The following TTN variants were observed in gnomAD, a reference collection of about 807,000 sequenced individuals.
The protein encoded by TTN is connectin.
A neutral mutation model predicts 3,223.0 loss-of-function variants in TTN; 1,525 were observed. That is an observed-to-expected ratio of 0.47 (90% confidence interval 0.45 to 0.49). The LOEUF is 0.49. Among genes scored for constraint, TTN ranks in the 20% least tolerant of loss-of-function variants. TTN has a pLI of 0.00. For synonymous variants in TTN, 14,094 were observed against 15,161.0 expected, an observed-to-expected ratio of 0.93 and a Z score of 5.17; for missense variants, 40,786 against 43,424.0, an observed-to-expected ratio of 0.94 and a Z score of 5.40.
chr2:178,719,022 A>G, intron 83 of TTN, 49 bp from the exon 84 acceptor site: 1 of 1,527,466 alleles, frequency 6.5e-7, no homozygotes, highest in South Asian at 1.3e-5. Context: ...AAGAAATCCA[A>G]GTGAGAAGTG....
Position 178,576,839 on chromosome 2 carries a change from G to T in TTN, c.69413-8C>A, listed in dbSNP as rs2046544806. 2.5e-6 allele frequency: 4 copies of T among 1,602,140 alleles called. No individual in the cohort carries two copies. The East Asian group carries it at 8.9e-5, about 36-fold the overall frequency. ...CAGGAGGGCCAGGGGGACCTGAAAA[G>T]GAAGCAAATTTATTAGAAATCCATG... On this transcript the variant is annotated splice_polypyrimidine_tract_variant and splice_region_variant and intron_variant, in intron 324 of 362. Coordinates refer to ENST00000589042, the MANE Select transcript of TTN (RefSeq NM_001267550.2). The surrounding 1 kb of genome is among the most constrained non-coding windows in gnomAD (Gnocchi z 4.3).
chr2:178,602,224 T>A (rs919203201), intron 283 of TTN, 58 bp downstream of exon 283: 7 of 1,595,224 alleles, frequency 4.4e-6, no homozygotes, highest in African/African-American at 1.4e-5. Context: ...TTCAGTAAAT[T>A]AATCAATTTC....
Position 178,614,582 on chromosome 2 carries a change from G to A in TTN, c.48932C>T (p.Pro16311Leu). The A allele has an allele frequency of 6.2e-7, 1 of 1,612,350 alleles. No homozygotes were observed. Among genetic ancestry groups the A allele is most frequent in the Non-Finnish European group, 8.5e-7 (1 of 1,179,138 alleles). ...AACAATAGTCACTGTGGATTTCTTA[G>A]GGACATTTTCAATGGTAATTCTTTT... Reference protein sequence around the residue: ...QDKRITIENVPKKSTVTIVDS... With the variant: ...QDKRITIENVLKKSTVTIVDS... The change falls in exon 261 of 363, where the codon CCT (proline) becomes CTT (leucine). Residue 16311 changes from proline (P) to leucine (L), a missense_variant. Physicochemically the swap from Pro to Leu is moderately conservative, Grantham distance 98. Transcript: ENST00000589042.
rs1398162885 is a variant in TTN at position 178,583,720 on chromosome 2, G to A, written c.65462C>T (p.Ala21821Val). The A allele has an allele frequency of 3.7e-6, 6 of 1,612,270 alleles. No homozygotes were observed. The highest frequency in any genetic ancestry group is 5.1e-6 in the Non-Finnish European group (6 of 1,179,204). Reference protein sequence around the residue: ...PHQIPQEEYTATGLEEKAQYQ... With the variant: ...PHQIPQEEYTVTGLEEKAQYQ... ...CTGAGCTTTCTCTTCTAGGCCAGTA[G>A]CTGTGTACTCTTCCTGGGGAATCTG... Residue 21821 changes from alanine to valine, a missense_variant, in exon 312 of 363, where the codon GCT becomes GTT. Physicochemically the swap from Ala to Val is moderately conservative, Grantham distance 64 (BLOSUM62 0). Transcript: ENST00000589042.
chr2:178,648,991 G>T (rs1379537103), intron 213 of TTN, among the ~76,000 whole-genome samples: 1 of 152,098 alleles, frequency 6.6e-6, no homozygotes, highest in Non-Finnish European at 1.5e-5. Context: ...ATGTTGAATT[G>T]AGCTGTTTTA....
intron 40 of TTN, 53 bp downstream of exon 40, chr2:178,767,706 A>T: frequency 1.9e-6 from 3 of 1,600,572 alleles, no homozygotes; most frequent in Non-Finnish European, 2.6e-6. Context: ...ATATAAAATG[A>T]TAGATTATGG....
At chr2:178,734,293 T>C (rs1192842974) in intron 52 of TTN, 35 bp downstream of exon 52, 1 of 1,516,086 alleles carries the variant, frequency 6.6e-7, no homozygotes, top group Admixed American at 2.2e-5. Flanking sequence ...AGTTTGACAA[T>C]TTATTAAAGA....
Position 178,583,772 on chromosome 2 carries a change from A to G in TTN, c.65410T>C (p.Trp21804Arg), listed in dbSNP as rs745626132. ...TGAGGTGCAGTATTGCACCGTACCC[A>G]TTTATCACCAGGAAGTTTGCAAGCT... Reference protein sequence around the residue: ...VEACKLPGDKWVRCNTAPHQI... With the variant: ...VEACKLPGDKRVRCNTAPHQI... The change falls in exon 312 of 363, where the codon TGG becomes CGG. Residue 21804 changes from tryptophan (W) to arginine (R), a missense_variant. Transcript: ENST00000589042. 22 of 1,611,246 alleles carry G rather than the reference A, an allele frequency of 1.4e-5. No homozygotes were observed. The East Asian group carries it at 4.9e-4, about 36-fold the overall frequency.
rs1438452689 is a variant in TTN at position 178,636,628 on chromosome 2, A to G, written c.41099T>C (p.Val13700Ala). The part of the protein sequence containing the change: ...KDIILTESEF[V>A]GSSAIFECLV... ...ACATTCAAAGATTGCTGAAGAGCCA[A>G]CGAACTCTGATTCTGTCAAGATGAT... The change falls in exon 225 of 363, where the codon GTT (valine) becomes GCT (alanine). Residue 13700 changes from valine (V) to alanine (A), a missense_variant. By Grantham distance (64) the Val-to-Ala change is moderately conservative. Coordinates refer to ENST00000589042, the MANE Select transcript of TTN (RefSeq NM_001267550.2). This position sits in a 1 kb window ranked among gnomAD's most constrained non-coding sequence, Gnocchi z 4.3. 12 of 1,613,296 alleles carry G rather than the reference A, an allele frequency of 7.4e-6. No individual in the cohort carries two copies. In the Admixed American group the frequency reaches 1.0e-4, roughly 13 times the overall value.
intron 247 of TTN, 32 bp downstream of exon 247, chr2:178,620,683 A>G: frequency 6.2e-7 from 1 of 1,605,200 alleles, no homozygotes; most frequent in South Asian, 1.1e-5. Context: ...GAAACTGATG[A>G]AAAAATCTCT....
Position 178,568,269 on chromosome 2 carries a change from G to A in TTN, c.77863C>T (p.Leu25955=), listed in dbSNP as rs1243165726. Residue 25955 remains leucine (L), a synonymous_variant, in exon 326 of 363, where the codon CTG becomes TTG. Coordinates refer to ENST00000589042, the MANE Select transcript of TTN (RefSeq NM_001267550.2). ...AATTGGTATTCTGTACCAGTTTTCA[G>A]TTTGGTCACTTTGAGTGTAGTTCTA... ...VARTTLKVTK[L]KTGTEYQFRI... is the part of the protein sequence containing the mutation. 6.2e-7 allele frequency: 1 copy of A among 1,613,392 alleles called. No individual in the cohort carries two copies. The highest frequency in any genetic ancestry group is 1.3e-5 in the African/African-American group (1 of 74,868).
chr2:178,710,165 G>A (rs1199132876), intron 98 of TTN, among the ~76,000 whole-genome samples: 1 of 152,212 alleles, frequency 6.6e-6, no homozygotes, highest in Non-Finnish European at 1.5e-5. Context: ...TAGATTATAA[G>A]CTGGGTGTGG....
At position 178,557,667 on chromosome 2, in the gene TTN, C is replaced by T. The variant is rs779663687; in HGVS notation, c.87687G>A (p.Val29229=). Residue 29229 remains valine, a synonymous_variant, in exon 328 of 363, where the codon GTG becomes GTA. Coordinates refer to ENST00000589042, the MANE Select transcript of TTN (RefSeq NM_001267550.2). Reference sequence around the variant, plus strand: ...ACTTACTGTATGGTAGTTTGACAGTCACACAAGCTGAATCTATATGATCAC... The same window carrying T: ...ACTTACTGTATGGTAGTTTGACAGTTACACAAGCTGAATCTATATGATCAC... ...GISDHIDSAC[V]TVKLPYTTPG... is the part of the protein sequence containing the mutation. 1 of 1,613,806 alleles carries T rather than the reference C, an allele frequency of 6.2e-7. No individual in the cohort carries two copies. The highest frequency in any genetic ancestry group is 8.5e-7 in the Non-Finnish European group (1 of 1,179,824).
Position 178,611,146 on chromosome 2 carries a change from C to T in TTN, c.50983G>A (p.Val16995Ile), listed in dbSNP as rs187763563. 2.1e-5 allele frequency: 34 copies of T among 1,612,698 alleles called. No homozygotes were observed. Among genetic ancestry groups the T allele is most frequent in the Non-Finnish European group, 2.6e-5 (31 of 1,179,234 alleles). Residue 16995 changes from valine (V) to isoleucine (I), a missense_variant, in exon 270 of 363, where the codon GTT becomes ATT. Transcript: ENST00000589042. The part of the protein sequence containing the change: ...TVSWHKDGKE[V>I]KASDRLTMKN... ...ATTGTTAATCTATCACTTGCTTTAA[C>T]TTCTTTGCCATCTTTATGCCAACTA...
chr2:178,672,440 C>T lies in TTN; in HGVS notation c.34897G>A (p.Val11633Met). Residue 11633 changes from valine to methionine, a missense_variant, in exon 154 of 363, where the codon GTG (valine) becomes ATG (methionine). Transcript: ENST00000589042. ...GGGGGAACAGCTTCCTTTTTAGGCA[C>T]AAGGACTTTCTTTTCTGGGACTTTC... is the stretch of plus-strand genomic sequence containing the variant. ...PKKVPEKKVL[V>M]PKKEAVPPAK... The T allele has an allele frequency of 6.3e-7, 1 of 1,597,590 alleles. No homozygotes were observed. Among genetic ancestry groups the T allele is most frequent in the Non-Finnish European group, 8.5e-7 (1 of 1,175,550 alleles).
intron 210 of TTN, 81 bp downstream of exon 210, chr2:178,650,083 G>T: frequency 7.5e-7 from 1 of 1,340,312 alleles, no homozygotes; most frequent in Non-Finnish European, 1.0e-6. Context: ...ATACAAGACT[G>T]ATATTTTGCC....
At position 178,727,211 on chromosome 2, in the gene TTN, G is replaced by A; in HGVS notation, c.20154C>T (p.Phe6718=). The A allele has an allele frequency of 6.2e-7, 1 of 1,613,204 alleles. No homozygotes were observed. The highest frequency in any genetic ancestry group is 1.1e-5 in the South Asian group (1 of 91,020). The change falls in exon 69 of 363, where the codon TTC becomes TTT. Residue 6718 remains phenylalanine (F), a synonymous_variant. Transcript: ENST00000589042. ...TCTGTATGACGGCCACTGAGTCAATGAAAGTCATTCTGTACTTATCACTGG... is the reference window on the plus strand; with the variant it reads ...TCTGTATGACGGCCACTGAGTCAATAAAAGTCATTCTGTACTTATCACTGG... The part of the protein sequence containing the change: ...LPASDKYRMT[F]IDSVAVIQMN...
rs763365764 is a variant in TTN, at chr2:178,767,802, T to C, written c.9428A>G (p.Glu3143Gly). Reference sequence around the variant, plus strand: ...ACTTCGGATGCGAACATCTCTGCCTTCTACAAAGAGTTTTGCAGTTGACAC... The same window carrying C: ...ACTTCGGATGCGAACATCTCTGCCTCCTACAAAGAGTTTTGCAGTTGACAC... ...GNVSTAKLFV[E>G]GRDVRIRSIK... The change falls in exon 40 of 363, where the codon GAA becomes GGA. Residue 3143 changes from glutamate to glycine, a missense_variant. Glu to Gly is a moderately conservative substitution (Grantham distance 98). Transcript: ENST00000589042. The C allele has an allele frequency of 6.2e-7, 1 of 1,614,192 alleles. No homozygotes were observed. The highest frequency in any genetic ancestry group is 8.5e-7 in the Non-Finnish European group (1 of 1,180,018).
intron 316 of TTN, chr2:178,580,810 C>T (rs2047530739): frequency 1.7e-6 from 1 of 587,578 alleles, no homozygotes; most frequent in Non-Finnish European, 2.8e-6. Context: ...ATGCTTTAGG[C>T]TTAACCAGGT....
Sources: gnomAD v4.1 joint callset for allele counts (sites outside exome capture counted in the v4.1 genomes callset) on GRCh38, gnomAD v4.1.1 for gene constraint, Gnocchi (gnomAD v3.1) non-coding constraint, MANE v1.5 for transcripts, NCBI Gene and HGNC (gene_info 2026-07-23, HGNC 2026-07-21) for gene names.